C4orf50: variants seen among roughly 807,000 people sequenced by gnomAD.
C4orf50 encodes chromosome 4 open reading frame 50.
In C4orf50, 80 loss-of-function variants were observed where a neutral mutation model predicts 77.2. The ratio of observed to expected loss-of-function variants is 1.04; its 90% CI spans 0.87 to 1.25. The LOEUF (loss-of-function observed/expected upper bound fraction) is 1.25. Among genes scored for constraint, C4orf50 ranks in the 50% most tolerant of loss-of-function variants. The probability of loss-of-function intolerance (pLI) is 0.00; values close to 1 mark genes in which losing one functional copy is unlikely to be tolerated. For synonymous variants in C4orf50, 532 were observed against 465.3 expected, an observed-to-expected ratio of 1.14 and a Z score of -1.84; for missense variants, 1,257 against 1,152.9, an observed-to-expected ratio of 1.09 and a Z score of -1.31.
intron 23 of C4orf50, among the ~76,000 whole-genome samples, chr4:6,014,230 G>A (rs1270217646): frequency 3.3e-5 from 5 of 152,214 alleles, no homozygotes; most frequent in Admixed American, 2.6e-4. Flanking sequence ...TTGAACTCCC[G>A]ACCTCAGGTG....
intron 23 of C4orf50, among the ~76,000 whole-genome samples, chr4:6,016,442 G>C (rs550823560): frequency 6.6e-6 from 1 of 152,172 alleles, no homozygotes; most frequent in African/African-American, 2.4e-5. Flanking sequence ...CCAGCTACTC[G>C]GGAGGCTGAG....
rs555319880 is a variant in C4orf50, at chr4:5,974,669, AG to A, written c.3922-829del. Among the ~76,000 whole-genome samples, 40 of 152,286 alleles carry A rather than the reference AG, an allele frequency of 2.6e-4. 1 individual carries two copies. The Middle Eastern group carries it at 0.017, about 65-fold the overall frequency. On this transcript the variant is annotated intron_variant, in intron 30 of 33. Coordinates refer to ENST00000531445, the Ensembl canonical transcript of C4orf50. ...CCCTGAGGCCAGAGAGAAAGAGCAG[AG>A]CCCCCAGCTTCTCCTCAGATCCAGG...
chr4:5,955,177 C>T (rs772184549), downstream of C4orf50, among the ~76,000 whole-genome samples: 6 of 152,148 alleles, frequency 3.9e-5, no homozygotes, highest in African/African-American at 9.7e-5. This position sits in a 1 kb window ranked among gnomAD's most constrained non-coding sequence, Gnocchi z 5.1. Flanking sequence ...GCAGTGGCGG[C>T]ACTTCCATAG....
intron 33 of C4orf50, 21 bp downstream of exon 11, chr4:5,965,003 A>G (rs868305174): frequency 6.2e-7 from 1 of 1,600,118 alleles, no homozygotes; most frequent in African/African-American, 1.3e-5. Flanking sequence ...TTAGGAAATG[A>G]GGTGACAGGT....
intron 28 of C4orf50, among the ~76,000 whole-genome samples, chr4:5,987,195 G>A (rs1720911719): frequency 6.6e-6 from 1 of 151,896 alleles, no homozygotes; most frequent in South Asian, 2.1e-4. Flanking sequence ...CAGATCGCCT[G>A]AGCTCAGGAG....
chr4:5,995,399 C>A (rs567307404), intron 25 of C4orf50, among the ~76,000 whole-genome samples: 124 of 152,060 alleles, frequency 8.2e-4, no homozygotes, highest in African/African-American at 3.0e-3. Flanking sequence ...TCCCCAGCTG[C>A]CGCCCTGCTG....
At position 5,919,875 on chromosome 4, in the gene C4orf50, T is replaced by A. The variant is rs762859993; in HGVS notation, c.*2475-21687A>T. ...ACAGGTGGCCCTCCCTATCCATGGG[T>A]TCCACATCCATCGATTCAACCAACC... On this transcript the variant is annotated intron_variant, in intron 7 of 7. Transcript: ENST00000324058. The surrounding 1 kb of genome is among the most constrained non-coding windows in gnomAD (Gnocchi z 6.5). 4.6e-5 allele frequency among the ~76,000 whole-genome samples: 7 copies of A among 152,144 alleles called. No homozygotes were observed. The highest frequency in any genetic ancestry group is 1.0e-4 in the Non-Finnish European group (7 of 68,008).
chr4:5,939,374 T>G (rs73210739), intron 7 of C4orf50, among the ~76,000 whole-genome samples: 10,095 of 152,226 alleles, frequency 0.066, 427 homozygotes, highest in Non-Finnish European at 0.097. Flanking sequence ...TCTTTCAATC[T>G]TTTCTCCACA....
intron 7 of C4orf50, among the ~76,000 whole-genome samples, chr4:5,933,171 G>A (rs557414784): frequency 1.2e-4 from 19 of 152,242 alleles, no homozygotes; most frequent in South Asian, 6.2e-4. Flanking sequence ...AGCTGCCCTC[G>A]TCTCTCACAG....
chr4:5,988,810 T>A, exon 28 of C4orf50: 1 of 1,536,106 alleles, frequency 6.5e-7, no homozygotes, highest in Non-Finnish European at 8.7e-7. Context: ...GATCATGTCT[T>A]CTATTCCTAG....
At chr4:5,973,036 A>G (rs1720024421) in intron 31 of C4orf50, among the ~76,000 whole-genome samples, 1 of 152,214 alleles carries the variant, frequency 6.6e-6, no homozygotes, top group Admixed American at 6.5e-5. Context: ...TTCAACCAAC[A>G]TTCTTCCAGG....
chr4:5,967,563 C>A lies in C4orf50; in HGVS notation c.4105-101G>T, dbSNP rs554426137. ...ACCAAGCAGGGCCATCACCCCTCCC[C>A]GCAAAAAACCGCTTTCTGTGTAGGA... is the stretch of plus-strand genomic sequence containing the variant. On this transcript the variant is annotated intron_variant, in intron 31 of 33. Transcript: ENST00000531445. 9 of 1,019,450 alleles carry A rather than the reference C, an allele frequency of 8.8e-6. No individual in the cohort carries two copies. In the African/African-American group the frequency reaches 1.1e-4, roughly 12 times the overall value. 63.2% of individuals were successfully genotyped at this position (1,019,450 alleles called of 1,614,324 possible).
rs915940343 is a variant in C4orf50 at position 5,914,668 on chromosome 4, T to G, written c.*2475-16480A>C. On this transcript the variant is annotated intron_variant, in intron 7 of 7. Coordinates refer to the C4orf50 transcript ENST00000324058. ...GCCAGCAGATCTATCTGAAGAAATG[T>G]GTGCGATGGTGCTTCTCATTTTTCG... 6.6e-5 allele frequency among the ~76,000 whole-genome samples: 10 copies of G among 152,350 alleles called. No homozygotes were observed. The East Asian group carries it at 1.5e-3, about 23-fold the overall frequency.
Position 6,018,369 on chromosome 4 carries a change from G to A in C4orf50, c.63C>T (p.Ser21=). The change falls in exon 23 of 34, where the codon AGC becomes AGT. Residue 21 remains serine (S), a synonymous_variant. Transcript: ENST00000531445. The surrounding 1 kb of genome is among the most constrained non-coding windows in gnomAD (Gnocchi z 5.1). Reference sequence around the variant, plus strand: ...CGTTCATTATGTCGAACCCCTCACTGCTGGGGGCTCTGATGACGTAGCTGA... The same window carrying A: ...CGTTCATTATGTCGAACCCCTCACTACTGGGGGCTCTGATGACGTAGCTGA... The A allele has an allele frequency of 2.5e-6, 1 of 399,010 alleles. No homozygotes were observed. The highest frequency in any genetic ancestry group is 3.6e-5 in the East Asian group (1 of 28,076). 24.7% of individuals were successfully genotyped at this position (399,010 alleles called of 1,614,324 possible). A position where few individuals can be genotyped will look rare whatever the true frequency, so the allele number is the denominator to read the frequency against.
chr4:5,948,793 C>CAA (rs530516177), intron 7 of C4orf50, among the ~76,000 whole-genome samples: 2,660 of 103,804 alleles, frequency 0.026, 56 homozygotes, highest in African/African-American at 0.068. Flanking sequence ...ACACCATCTC[C>CAA]AAAAAAAAAA....
chr4:5,965,295 T>C (rs1001341941), intron 32 of C4orf50, 150 bp from the exon 11 acceptor site: 3 of 736,494 alleles, frequency 4.1e-6, no homozygotes, highest in African/African-American at 3.5e-5. Context: ...TCCTCTCAGA[T>C]GCCTTTGAGC....
chr4:5,920,270 G>C (rs149440281), intron 7 of C4orf50, among the ~76,000 whole-genome samples: 1 of 152,260 alleles, frequency 6.6e-6, no homozygotes, highest in African/African-American at 2.4e-5. Context: ...TCCCACCTCT[G>C]CCACTCACTA....
At position 6,000,070 on chromosome 4, in the gene C4orf50, T is replaced by C. The variant is rs913394374; in HGVS notation, c.964-5594A>G. Among the ~76,000 whole-genome samples, 1 of 152,112 alleles carries C rather than the reference T, an allele frequency of 6.6e-6. No individual in the cohort carries two copies. The highest frequency in any genetic ancestry group is 2.4e-5 in the African/African-American group (1 of 41,426). On this transcript the variant is annotated intron_variant, in intron 25 of 33. Transcript: ENST00000531445. This position sits in a 1 kb window ranked among gnomAD's most constrained non-coding sequence, Gnocchi z 6.0. ...GTGGGCAGCCATGGTGGGGTGCTTA[T>C]GGAGGGAGATCCTTTGACAGTCACC...
chr4:5,967,611 A>G, intron 31 of C4orf50, 149 bp from the exon 10 acceptor site: 1 of 683,292 alleles, frequency 1.5e-6, no homozygotes, highest in Non-Finnish European at 2.7e-6. Context: ...GTGTGCATGA[A>G]GACCTCCCTC....
Sources: gnomAD v4.1 joint callset for allele counts (sites outside exome capture counted in the v4.1 genomes callset) on GRCh38, gnomAD v4.1.1 for gene constraint, Gnocchi (gnomAD v3.1) non-coding constraint, MANE v1.5 for transcripts, NCBI Gene and HGNC (gene_info 2026-07-23, HGNC 2026-07-21) for gene names.